GFOD1: variants seen among roughly 807,000 people sequenced by gnomAD.
The protein encoded by GFOD1 is glucose-fructose oxidoreductase domain-containing protein 1.
GFOD1 carries 9 observed loss-of-function variants against 25.4 expected under a neutral mutation model. That is an observed-to-expected ratio of 0.35 (90% CI 0.21 to 0.62). The LOEUF (loss-of-function observed/expected upper bound fraction) is 0.62, where lower values mean the gene tolerates loss of function less well. GFOD1 is among the 20% of genes least tolerant of loss of function. GFOD1 has a pLI of 0.72. For synonymous variants in GFOD1, 253 were observed against 245.6 expected (o/e 1.03, Z -0.28); for missense variants, 403 against 556.9 (o/e 0.72, Z 2.78).
At chr6:13,433,430 T>C (rs1404832569) in intron 1 of GFOD1, among the ~76,000 whole-genome samples, 1 of 152,172 alleles carries the variant, frequency 6.6e-6, no homozygotes, top group Admixed American at 6.5e-5. Context: ...TTGGGTCACT[T>C]TTTGTTGTAG....
chr6:13,392,641 G>C (rs768755139), intron 1 of GFOD1, among the ~76,000 whole-genome samples: 10 of 152,128 alleles, frequency 6.6e-5, no homozygotes, highest in Non-Finnish European at 1.5e-4. Flanking sequence ...CTGGCCTGTA[G>C]CTGCTGCTGC....
chr6:13,421,046 G>A (rs1316374502), intron 1 of GFOD1, among the ~76,000 whole-genome samples: 1 of 152,138 alleles, frequency 6.6e-6, no homozygotes, highest in Non-Finnish European at 1.5e-5. Flanking sequence ...TTAGCCCAGT[G>A]CCTGGCACAC....
intron 1 of GFOD1, among the ~76,000 whole-genome samples, chr6:13,446,324 C>G (rs539533168): frequency 3.9e-5 from 6 of 152,300 alleles, no homozygotes; most frequent in Admixed American, 2.6e-4. Flanking sequence ...CCAGCATGCC[C>G]AGGCTGCCCC....
Position 13,470,207 on chromosome 6 carries a change from C to T in GFOD1, c.253+16431G>A, listed in dbSNP as rs767782676. On this transcript the variant is annotated intron_variant, in intron 1 of 1. Coordinates refer to ENST00000379287, the MANE Select transcript of GFOD1 (RefSeq NM_018988.4). Reference sequence around the variant, plus strand: ...CGCGATGAACGCATCTATCTGTAATCTTGACTGGGTCTGGGGACTGGAAAG... The same window carrying T: ...CGCGATGAACGCATCTATCTGTAATTTTGACTGGGTCTGGGGACTGGAAAG... 3 of 1,593,582 alleles carry T rather than the reference C, an allele frequency of 1.9e-6. No individual in the cohort carries two copies. In the South Asian group the frequency reaches 3.3e-5, roughly 18 times the overall value.
intron 1 of GFOD1, among the ~76,000 whole-genome samples, chr6:13,443,816 T>TAAAAAAAAA (rs34976657): frequency 8.9e-6 from 1 of 112,120 alleles, no homozygotes; most frequent in Admixed American, 9.5e-5. Flanking sequence ...GACTCAGTCT[T>TAAAAAAAAA]AAAAAAAAAA....
chr6:13,428,514 CG>C, intron 1 of GFOD1, among the ~76,000 whole-genome samples: 2 of 110,892 alleles, frequency 1.8e-5, no homozygotes, highest in Non-Finnish European at 3.2e-5. Context: ...CAGTGCGATG[CG>C]ATGCGCTGGC....
chr6:13,387,948 T>C (rs1489881189), intron 1 of GFOD1, among the ~76,000 whole-genome samples: 4 of 152,098 alleles, frequency 2.6e-5, no homozygotes, highest in African/African-American at 9.7e-5. Context: ...TGTGCAAAAA[T>C]CACAAGCATT....
In GFOD1 at chr6:13,482,725, G is replaced by T. The variant is rs144927841; in HGVS notation, c.253+3913C>A. Among the ~76,000 whole-genome samples, 861 of 152,212 alleles carry T rather than the reference G, an allele frequency of 5.7e-3. 27 individuals carry two copies. The highest frequency in any genetic ancestry group is 0.052 in the Admixed American group (795 of 15,286). ...ATCGCACCATTGCACCCCAGCCTGGGCAACAGAGCGAGGCTCCGTCTCAAA... is the reference window on the plus strand; with the variant it reads ...ATCGCACCATTGCACCCCAGCCTGGTCAACAGAGCGAGGCTCCGTCTCAAA... On this transcript the variant is annotated intron_variant, in intron 1 of 1. Coordinates refer to ENST00000379287, the MANE Select transcript of GFOD1 (RefSeq NM_018988.4).
At chr6:13,426,580 G>A (rs889943846) in intron 1 of GFOD1, among the ~76,000 whole-genome samples, 2 of 152,148 alleles carry the variant, frequency 1.3e-5, no homozygotes, top group African/African-American at 4.8e-5. Flanking sequence ...TACCCCCTAA[G>A]AAGGTGAATG....
Position 13,409,248 on chromosome 6 carries a change from GAGAA to G in GFOD1, c.254-43590_254-43587del, listed in dbSNP as rs1225326034. Among the ~76,000 whole-genome samples, 4 of 126,310 alleles carry G rather than the reference GAGAA, an allele frequency of 3.2e-5. 1 individual carries two copies. Among genetic ancestry groups the G allele is most frequent in the African/African-American group, 1.0e-4 (4 of 38,470 alleles). The allele number at this position is 126,310 out of a possible 152,430, so 82.9% of individuals were successfully genotyped here. A position where few individuals can be genotyped will look rare whatever the true frequency, so the allele number is the denominator to read the frequency against. ...GAGGAAGGAAGGAAGGAGAGAAAGA[GAGAA>G]AGAGAGAGAGAGAGGGAAAGATAGA... is the stretch of plus-strand genomic sequence containing the variant. On this transcript the variant is annotated intron_variant, in intron 1 of 1. Coordinates refer to ENST00000379287, the MANE Select transcript of GFOD1 (RefSeq NM_018988.4).
At chr6:13,463,662 C>A (rs959188332) in intron 1 of GFOD1, among the ~76,000 whole-genome samples, 15 of 152,108 alleles carry the variant, frequency 9.9e-5, no homozygotes, top group African/African-American at 3.6e-4. Flanking sequence ...AAAGAAAATA[C>A]GATAGCATTT....
At chr6:13,455,877 G>A (rs554139517) in intron 1 of GFOD1, among the ~76,000 whole-genome samples, 5 of 152,328 alleles carry the variant, frequency 3.3e-5, no homozygotes, top group African/African-American at 1.2e-4. Context: ...CACTGGCCTC[G>A]TCAGCCCTCT....
rs1784925177 is a variant in GFOD1 at position 13,360,092 on chromosome 6, C to G, written c.*4651G>C. 6.5e-6 allele frequency: 1 copy of G among 153,226 alleles called. No individual in the cohort carries two copies. The allele number at this position is 153,226 out of a possible 1,614,324, so 9.5% of individuals were successfully genotyped here. On this transcript the variant is annotated 3_prime_UTR_variant, in exon 2 of 2. Transcript: ENST00000379287. ...CTCTCTGAGCCTCCTTTCCCTAGAG[C>G]TCTGGAGGTGCTATGTGAGGCAGCA...
intron 1 of GFOD1, among the ~76,000 whole-genome samples, chr6:13,454,885 G>A (rs1334622605): frequency 6.6e-6 from 1 of 152,156 alleles, no homozygotes; most frequent in African/African-American, 2.4e-5. Context: ...TAGAGGGAGG[G>A]GAGGAATCTT....
At chr6:13,478,469 T>C (rs903238719) in intron 1 of GFOD1, among the ~76,000 whole-genome samples, 1 of 152,194 alleles carries the variant, frequency 6.6e-6, no homozygotes, top group African/African-American at 2.4e-5. Flanking sequence ...ACTTCCACCA[T>C]CTAGATTCTT....
intron 1 of GFOD1, among the ~76,000 whole-genome samples, chr6:13,390,079 T>TC (rs1439405682): frequency 6.6e-6 from 1 of 152,034 alleles, no homozygotes; most frequent in Non-Finnish European, 1.5e-5. Context: ...CTCTGGGACA[T>TC]CCCCCCTGAG....
intron 1 of GFOD1, among the ~76,000 whole-genome samples, chr6:13,400,913 A>G (rs961293779): frequency 6.6e-6 from 1 of 152,212 alleles, no homozygotes; most frequent in African/African-American, 2.4e-5. Context: ...TATCACTATT[A>G]GTCATTGACT....
intron 1 of GFOD1, among the ~76,000 whole-genome samples, chr6:13,456,442 T>C (rs1758191908): frequency 6.6e-6 from 1 of 152,204 alleles, no homozygotes; most frequent in Non-Finnish European, 1.5e-5. Flanking sequence ...CCCAAAGTGC[T>C]GGGATTACAG....
chr6:13,449,102 C>A (rs188057911), intron 1 of GFOD1, among the ~76,000 whole-genome samples: 3 of 152,196 alleles, frequency 2.0e-5, no homozygotes, highest in Admixed American at 1.3e-4. Flanking sequence ...GCCTGGGCAA[C>A]CTAGTGAGAC....
Sources: gnomAD v4.1 joint callset for allele counts (sites outside exome capture counted in the v4.1 genomes callset) on GRCh38, gnomAD v4.1.1 for gene constraint, MANE v1.5 for transcripts, NCBI Gene and HGNC (gene_info 2026-07-23, HGNC 2026-07-21) for gene names.